The following DENND4A variants were observed in gnomAD, a reference collection of about 807,000 sequenced individuals.
The protein encoded by DENND4A is DENN domain containing 4A, also known as C-myc promoter-binding protein.
In DENND4A, 70 loss-of-function variants were observed where a neutral mutation model predicts 199.3. That is an observed-to-expected ratio of 0.35 (90% CI 0.29 to 0.43). The LOEUF (loss-of-function observed/expected upper bound fraction) is 0.43. Ranked by LOEUF, DENND4A falls within the 20% of genes least tolerant of loss-of-function variation. The pLI, the probability that DENND4A is intolerant of heterozygous loss-of-function variation, is 1.00. For synonymous variants in DENND4A, 686 were observed against 766.9 expected (o/e 0.89, Z 1.74); for missense variants, 1,723 against 2,255.8 (o/e 0.76, Z 4.78).
intron 14 of DENND4A, among the ~76,000 whole-genome samples, chr15:65,708,313 T>A (rs1479709568): frequency 6.6e-6 from 1 of 152,122 alleles, no homozygotes; most frequent in African/African-American, 2.4e-5. Context: ...TCAGCAAATG[T>A]TTATTTATTT....
intron 23 of DENND4A, among the ~76,000 whole-genome samples, chr15:65,689,479 C>T (rs1268335020): frequency 6.6e-6 from 1 of 152,104 alleles, no homozygotes; most frequent in Admixed American, 6.5e-5. Flanking sequence ...AGAGTAAAAG[C>T]TGATTATTTT....
At chr15:65,684,622 C>T (rs145437346) in intron 23 of DENND4A, among the ~76,000 whole-genome samples, 24 of 152,202 alleles carry the variant, frequency 1.6e-4, no homozygotes, top group Non-Finnish European at 3.1e-4. Flanking sequence ...TTACTAAATA[C>T]AGAATTTGCG....
At chr15:65,786,391 G>GT (rs879484114) in intron 1 of DENND4A, among the ~76,000 whole-genome samples, 17 of 151,210 alleles carry the variant, frequency 1.1e-4, no homozygotes, top group African/African-American at 2.7e-4. Context: ...TACATGTTTT[G>GT]TTTTTTTTCT....
At chr15:65,766,250 C>CAAAAAAA (rs5813366) in intron 1 of DENND4A, among the ~76,000 whole-genome samples, 1 of 93,880 alleles carries the variant, frequency 1.1e-5, no homozygotes, top group Non-Finnish European at 2.3e-5. Flanking sequence ...GACTCCACCT[C>CAAAAAAA]AAAAAAAAAA....
chr15:65,773,592 C>T (rs2077201154), intron 1 of DENND4A, among the ~76,000 whole-genome samples: 1 of 152,130 alleles, frequency 6.6e-6, no homozygotes, highest in Non-Finnish European at 1.5e-5. Flanking sequence ...ATGGATATCA[C>T]CTTTTCTTTA....
chr15:65,731,616 A>T, intron 9 of DENND4A, 26 bp downstream of exon 9: 1 of 1,487,590 alleles, frequency 6.7e-7, no homozygotes, highest in African/African-American at 1.4e-5. Context: ...TGAGAGAAAA[A>T]TAAATAGAAA....
Position 65,660,388 on chromosome 15 carries a change from C to A in DENND4A, c.*1463G>T, listed in dbSNP as rs928279006. On this transcript the variant is annotated 3_prime_UTR_variant, in exon 33 of 33. Coordinates refer to ENST00000443035, the MANE Select transcript of DENND4A (RefSeq NM_001320835.1). ...TTCTAAGTCTCAGGACTCCAAGATA[C>A]CTCCAGTCCAAGTGTCGTGGACTCT... The A allele has an allele frequency of 1.7e-5, 21 of 1,216,454 alleles. No individual in the cohort carries two copies. Among genetic ancestry groups the A allele is most frequent in the Non-Finnish European group, 2.4e-5 (21 of 858,040 alleles). The allele number at this position is 1,216,454 out of a possible 1,614,324, so 75.4% of individuals were successfully genotyped here. A position where few individuals can be genotyped will look rare whatever the true frequency, so the allele number is the denominator to read the frequency against.
chr15:65,743,063 C>T (rs1327742123), intron 4 of DENND4A, among the ~76,000 whole-genome samples: 1 of 152,066 alleles, frequency 6.6e-6, no homozygotes, highest in Non-Finnish European at 1.5e-5. Context: ...TTGTACAACT[C>T]CACCCCTAGT....
At chr15:65,694,765 A>C (rs1425772737) in intron 22 of DENND4A, among the ~76,000 whole-genome samples, 2 of 152,230 alleles carry the variant, frequency 1.3e-5, no homozygotes, top group East Asian at 1.9e-4. Context: ...AGCCAAAAGC[A>C]TCAAGGATAA....
intron 4 of DENND4A, among the ~76,000 whole-genome samples, chr15:65,742,763 T>C (rs959884655): frequency 6.6e-6 from 1 of 152,188 alleles, no homozygotes; most frequent in Non-Finnish European, 1.5e-5. Flanking sequence ...AGATTATTTA[T>C]CATTACATGC....
At chr15:65,790,076 TTTTA>T (rs1482106227) in intron 1 of DENND4A, among the ~76,000 whole-genome samples, 1 of 152,216 alleles carries the variant, frequency 6.6e-6, no homozygotes, top group Non-Finnish European at 1.5e-5. Flanking sequence ...TCCCAGCTAA[TTTTA>T]TTTTACAATT....
intron 13 of DENND4A, among the ~76,000 whole-genome samples, chr15:65,717,283 T>C (rs897965510): frequency 9.8e-5 from 15 of 152,342 alleles, no homozygotes; most frequent in African/African-American, 2.9e-4. Context: ...AAAGTAAATA[T>C]GTATTATAAA....
intron 4 of DENND4A, among the ~76,000 whole-genome samples, chr15:65,750,566 A>G (rs1277887749): frequency 3.3e-5 from 5 of 152,234 alleles, no homozygotes; most frequent in African/African-American, 4.8e-5. Context: ...TACCCCACAT[A>G]TGTGAACACA....
intron 7 of DENND4A, among the ~76,000 whole-genome samples, chr15:65,737,069 T>A (rs1055946035): frequency 3.4e-5 from 5 of 147,806 alleles, no homozygotes; most frequent in African/African-American, 7.4e-5. Context: ...GGTAAGGAAA[T>A]TTTTTTTTTT....
At chr15:65,742,249 G>T (rs920692772) in intron 4 of DENND4A, among the ~76,000 whole-genome samples, 1 of 151,896 alleles carries the variant, frequency 6.6e-6, no homozygotes, top group Admixed American at 6.6e-5. Context: ...TTCCAATCAG[G>T]CTTTAATTAC....
chr15:65,746,984 T>C (rs2076419090), intron 4 of DENND4A, among the ~76,000 whole-genome samples: 1 of 150,974 alleles, frequency 6.6e-6, no homozygotes, highest in Non-Finnish European at 1.5e-5. Flanking sequence ...CGCATGCCTG[T>C]AATCCCAGCT....
intron 15 of DENND4A, among the ~76,000 whole-genome samples, chr15:65,705,678 G>T (rs1171877164): frequency 1.3e-5 from 2 of 152,104 alleles, no homozygotes; most frequent in Non-Finnish European, 2.9e-5. Context: ...ACGAAGATTG[G>T]CTCTAAATTA....
intron 1 of DENND4A, among the ~76,000 whole-genome samples, chr15:65,784,043 T>C (rs544741881): frequency 2.6e-5 from 4 of 152,258 alleles, no homozygotes; most frequent in South Asian, 2.1e-4. Flanking sequence ...GCCGTACTGA[T>C]AGTATTTCCC....
intron 7 of DENND4A, among the ~76,000 whole-genome samples, chr15:65,734,953 G>A (rs1010046167): frequency 1.3e-5 from 2 of 152,096 alleles, no homozygotes; most frequent in Non-Finnish European, 2.9e-5. Flanking sequence ...ATGGTGGCAT[G>A]TGCCTGCAGT....
Sources: gnomAD v4.1 joint callset for allele counts (sites outside exome capture counted in the v4.1 genomes callset) on GRCh38, gnomAD v4.1.1 for gene constraint, MANE v1.5 for transcripts, NCBI Gene and HGNC (gene_info 2026-07-23, HGNC 2026-07-21) for gene names.